TNFRSF9: variants seen among roughly 807,000 people sequenced by gnomAD.
TNFRSF9 encodes TNF receptor superfamily member 9.
In TNFRSF9, 16 loss-of-function variants were observed where a neutral mutation model predicts 28.8. The observed-to-expected ratio is 0.55, with a 90% CI of 0.38 to 0.84. The LOEUF (loss-of-function observed/expected upper bound fraction) is 0.84. Ranked by LOEUF, TNFRSF9 falls within the 40% of genes least tolerant of loss-of-function variation. TNFRSF9 has a pLI of 0.00. For missense variants in TNFRSF9, 303 were observed against 315.0 expected, an observed-to-expected ratio of 0.96 and a Z score of 0.29; for synonymous variants, 131 against 117.0, an observed-to-expected ratio of 1.12 and a Z score of -0.77.
At chr1:7,922,845 A>G (rs1639581961) in intron 7 of TNFRSF9, among the ~76,000 whole-genome samples, 1 of 150,174 alleles carries the variant, frequency 6.7e-6, no homozygotes, top group South Asian at 2.1e-4. Context: ...AGGAGCTTGT[A>G]CTCTCTAGTT....
At chr1:7,925,654 C>T (rs1231215640) in intron 7 of TNFRSF9, among the ~76,000 whole-genome samples, 1 of 152,110 alleles carries the variant, frequency 6.6e-6, no homozygotes, top group Non-Finnish European at 1.5e-5. Flanking sequence ...AGCTTGTTTT[C>T]CTACAACTAG....
chr1:7,921,501 AC>A (rs1639558414), intron 7 of TNFRSF9, among the ~76,000 whole-genome samples: 1 of 150,914 alleles, frequency 6.6e-6, no homozygotes, highest in African/African-American at 2.4e-5. Flanking sequence ...CCCCGTCTCT[AC>A]TAAAAATACC....
intron 6 of TNFRSF9, among the ~76,000 whole-genome samples, chr1:7,934,024 A>C (rs751436049): frequency 1.1e-3 from 160 of 152,024 alleles, no homozygotes; most frequent in Non-Finnish European, 1.7e-3. Flanking sequence ...CCACCCCCCC[A>C]AAAAAATAAA....
chr1:7,938,750 C>T lies in TNFRSF9; in HGVS notation c.179G>A (p.Arg60Lys). 1.2e-6 allele frequency: 2 copies of T among 1,613,390 alleles called. No homozygotes were observed. Among genetic ancestry groups the T allele is most frequent in the Non-Finnish European group, 1.7e-6 (2 of 1,179,516 alleles). ...PNSFSSAGGQ[R>K]TCDICRQCKG... is the part of the protein sequence containing the mutation. ...ACACTGCCTGCATATGTCACAGGTC[C>T]TTTGTCCACCTGCGCTGGAGAAACT... is the stretch of plus-strand genomic sequence containing the variant. The change falls in exon 3 of 8, where the codon AGG becomes AAG. Residue 60 changes from arginine to lysine, a missense_variant. Physicochemically the swap from Arg to Lys is conservative, Grantham distance 26 (BLOSUM62 2). Transcript: ENST00000377507.
intron 7 of TNFRSF9, among the ~76,000 whole-genome samples, chr1:7,924,941 T>A (rs1188526662): frequency 6.6e-6 from 1 of 152,174 alleles, no homozygotes; most frequent in Non-Finnish European, 1.5e-5. Flanking sequence ...GAGAAAATAT[T>A]TTTGTACAGC....
In TNFRSF9 at chr1:7,918,523, C is replaced by T. The variant is rs1343661248; in HGVS notation, c.*2312G>A. On this transcript the variant is annotated 3_prime_UTR_variant, in exon 8 of 8. Transcript: ENST00000377507. ...CTGGGACTTCAGGTGCACACCACCA[C>T]ACCCGGCTAATTTTTGTATTTTTTG... 1.3e-5 allele frequency: 2 copies of T among 152,126 alleles called. No individual in the cohort carries two copies. The allele number at this position is 152,126 out of a possible 1,614,324, so 9.4% of individuals were successfully genotyped here.
In TNFRSF9 at chr1:7,923,472, C is replaced by T. The variant is rs577181159; in HGVS notation, c.680-2549G>A. On this transcript the variant is annotated intron_variant, in intron 7 of 7. Transcript: ENST00000377507. ...CAAACTTCCTCCACCCCTGCCTGGC[C>T]GTAACGAGCTGCCCATCCTCCTTCC... Among the ~76,000 whole-genome samples, 29 of 152,274 alleles carry T rather than the reference C, an allele frequency of 1.9e-4. 1 individual carries two copies. The highest frequency in any genetic ancestry group is 1.2e-3 in the Admixed American group (19 of 15,290).
At position 7,933,229 on chromosome 1, in the gene TNFRSF9, G is replaced by A. The variant is rs1341601741; in HGVS notation, c.612C>T (p.Phe204=). 1 of 1,613,898 alleles carries A rather than the reference G, an allele frequency of 6.2e-7. No homozygotes were observed. The highest frequency in any genetic ancestry group is 8.5e-7 in the Non-Finnish European group (1 of 1,179,908). ...LTSTALLFLL[F]FLTLRFSVVK... ...CAACAGAGAAACGGAGCGTGAGGAA[G>A]AACAGCAGGAAGAGCAACGCAGTCG... is the stretch of plus-strand genomic sequence containing the variant. Residue 204 remains phenylalanine (F), a synonymous_variant, in exon 7 of 8, where the codon TTC becomes TTT. Coordinates refer to ENST00000377507, the MANE Select transcript of TNFRSF9 (RefSeq NM_001561.6).
chr1:7,936,447 CA>C (rs1470660603), intron 5 of TNFRSF9: 1 of 148,278 alleles, frequency 6.7e-6, no homozygotes, highest in Non-Finnish European at 1.4e-5. Flanking sequence ...ACAAACAAAA[CA>C]AACAAACAGA....
intron 7 of TNFRSF9, among the ~76,000 whole-genome samples, chr1:7,928,344 T>A (rs2151414893): frequency 6.6e-6 from 1 of 152,352 alleles, no homozygotes; most frequent in Middle Eastern, 3.4e-3. Context: ...TACATAATTA[T>A]TCCTCGCAGC....
chr1:7,924,910 C>T lies in TNFRSF9; in HGVS notation c.680-3987G>A, dbSNP rs192362237. On this transcript the variant is annotated intron_variant, in intron 7 of 7. Coordinates refer to ENST00000377507, the MANE Select transcript of TNFRSF9 (RefSeq NM_001561.6). ...TTAAAAACTTTTAAATAGATAAAAG[C>T]TTATAGAATAAGGAAATAAAGAGAA... Among the ~76,000 whole-genome samples, 4 of 152,086 alleles carry T rather than the reference C, an allele frequency of 2.6e-5. No homozygotes were observed. The East Asian group carries it at 7.7e-4, about 29-fold the overall frequency.
chr1:7,934,009 T>A (rs1639777448), intron 6 of TNFRSF9, among the ~76,000 whole-genome samples: 2 of 151,758 alleles, frequency 1.3e-5, no homozygotes, highest in Admixed American at 1.3e-4. Context: ...AGAGAGAGAC[T>A]CTGTCCACCC....
chr1:7,937,032 G>A (rs1469675373), intron 5 of TNFRSF9, among the ~76,000 whole-genome samples: 3 of 152,334 alleles, frequency 2.0e-5, no homozygotes, highest in Non-Finnish European at 4.4e-5. Flanking sequence ...AGGGTAACGA[G>A]CAATTGTTAG....
intron 6 of TNFRSF9, 48 bp from the exon 7 acceptor site, chr1:7,933,344 C>T (rs981833164): frequency 1.9e-6 from 3 of 1,585,274 alleles, no homozygotes; most frequent in African/African-American, 1.4e-5. Flanking sequence ...TGTGTTGACA[C>T]TCATACACCC....
intron 7 of TNFRSF9, among the ~76,000 whole-genome samples, chr1:7,930,424 G>A (rs1026489100): frequency 1.3e-5 from 2 of 152,126 alleles, no homozygotes; most frequent in Admixed American, 1.3e-4. Context: ...CTTTTGAAAA[G>A]CATTTTATAA....
chr1:7,939,894 C>T lies in TNFRSF9; in HGVS notation c.100+1G>A, dbSNP rs754024907. ...AATGCACATGATAACTGGGTACTCA[C>T]CAGCTGGGCAGTTACTACAAGGATC... is the stretch of plus-strand genomic sequence containing the variant. On this transcript the variant is annotated splice_donor_variant, in intron 2 of 7. Transcript: ENST00000377507. LOFTEE classifies it high-confidence loss of function. 4.5e-5 allele frequency: 71 copies of T among 1,592,812 alleles called. No individual in the cohort carries two copies. Among genetic ancestry groups the T allele is most frequent in the Middle Eastern group, 1.7e-4 (1 of 6,016 alleles).
In TNFRSF9 at chr1:7,934,334, G is replaced by A. The variant is rs983754679; in HGVS notation, c.544+679C>T. Among the ~76,000 whole-genome samples, 6 of 149,164 alleles carry A rather than the reference G, an allele frequency of 4.0e-5. 1 individual carries two copies. Among genetic ancestry groups the A allele is most frequent in the Non-Finnish European group, 8.9e-5 (6 of 67,184 alleles). On this transcript the variant is annotated intron_variant, in intron 6 of 7. Transcript: ENST00000377507. ...GGAGGTTGCAGTGAGCCAATATCAA[G>A]CCACTGCACTCCAGCCTGGCACAGA... is the stretch of plus-strand genomic sequence containing the variant.
intron 5 of TNFRSF9, among the ~76,000 whole-genome samples, chr1:7,936,863 C>T (rs1485417604): frequency 2.0e-5 from 3 of 152,348 alleles, no homozygotes; most frequent in South Asian, 4.1e-4. Flanking sequence ...ACACCACTGT[C>T]GATGGGGACA....
chr1:7,924,839 C>T (rs1016530487), intron 7 of TNFRSF9, among the ~76,000 whole-genome samples: 13 of 151,800 alleles, frequency 8.6e-5, no homozygotes, highest in African/African-American at 3.1e-4. Context: ...TAAGTGTGTT[C>T]GTGTCTTAGT....
Sources: allele counts gnomAD v4.1 joint callset (sites outside exome capture counted in the v4.1 genomes callset), GRCh38; gene constraint gnomAD v4.1.1; transcripts MANE v1.5; gene names NCBI Gene and HGNC (gene_info 2026-07-23, HGNC 2026-07-21).